Variants in KAZN observed in about 807,000 individuals in gnomAD.
KAZN encodes the protein kazrin.
In KAZN, 40 loss-of-function variants were observed where a neutral mutation model predicts 87.4. That is an observed-to-expected ratio of 0.46 (90% CI 0.36 to 0.60). KAZN has a LOEUF of 0.60. KAZN is among the 20% of genes least tolerant of loss of function. KAZN has a pLI of 0.00. For missense variants in KAZN, 898 were observed against 1,073.9 expected, an observed-to-expected ratio of 0.84 and a Z score of 2.29; for synonymous variants, 466 against 458.3, an observed-to-expected ratio of 1.02 and a Z score of -0.22.
intron 1 of KAZN, among the ~76,000 whole-genome samples, chr1:14,639,912 C>T (rs1680293679): frequency 6.6e-6 from 1 of 152,164 alleles, no homozygotes; most frequent in Non-Finnish European, 1.5e-5. Flanking sequence ...GTAATCCCCA[C>T]TTTCCCGTAC....
At chr1:14,221,671 A>G (rs1418622041) in intron 2 of KAZN, among the ~76,000 whole-genome samples, 1 of 152,194 alleles carries the variant, frequency 6.6e-6, no homozygotes, top group Non-Finnish European at 1.5e-5. Context: ...CAACAAGGCT[A>G]TAATCAACCA....
rs530197338 is a variant in KAZN, at chr1:14,208,120, G to A, written c.249+27528G>A. On this transcript the variant is annotated intron_variant, in intron 2 of 16. Coordinates refer to the KAZN transcript ENST00000636203. Reference sequence around the variant, plus strand: ...GACTAAGAGTGTCCATGCTGTTTGGGCTGATTTAACACCAAAGCAAAGGAG... The same window carrying A: ...GACTAAGAGTGTCCATGCTGTTTGGACTGATTTAACACCAAAGCAAAGGAG... Among the ~76,000 whole-genome samples, 10 of 152,234 alleles carry A rather than the reference G, an allele frequency of 6.6e-5. 1 individual carries two copies. In the South Asian group the frequency reaches 2.1e-3, roughly 32 times the overall value.
At position 14,483,917 on chromosome 1, in the gene KAZN, C is replaced by A. The variant is rs928410342; in HGVS notation, c.250-115066C>A. 2.0e-5 allele frequency among the ~76,000 whole-genome samples: 3 copies of A among 152,128 alleles called. No homozygotes were observed. The South Asian group carries it at 6.2e-4, about 32-fold the overall frequency. On this transcript the variant is annotated intron_variant, in intron 2 of 16. Coordinates refer to the KAZN transcript ENST00000636203. ...TCAGGTCTTACATAAAGTCTTTAATCCACTTTAAATTATGTTTTTGTATAT... is the reference window on the plus strand; with the variant it reads ...TCAGGTCTTACATAAAGTCTTTAATACACTTTAAATTATGTTTTTGTATAT...
At chr1:14,234,721 A>G (rs1648237759) in intron 2 of KAZN, among the ~76,000 whole-genome samples, 1 of 152,202 alleles carries the variant, frequency 6.6e-6, no homozygotes, top group Admixed American at 6.5e-5. Context: ...ACCTTCCTGG[A>G]CTAAATTTGT....
At chr1:14,656,619 C>T (rs576493876) in intron 1 of KAZN, among the ~76,000 whole-genome samples, 5 of 152,342 alleles carry the variant, frequency 3.3e-5, no homozygotes, top group African/African-American at 9.6e-5. Context: ...GGGGAAGCCT[C>T]AGGAAACTTA....
intron 1 of KAZN, among the ~76,000 whole-genome samples, chr1:14,635,221 G>A (rs75953486): frequency 0.012 from 1,850 of 152,330 alleles, 18 homozygotes; most frequent in Non-Finnish European, 0.018. Context: ...GGACATCCAC[G>A]CTGCTGTGCC....
intron 2 of KAZN, among the ~76,000 whole-genome samples, chr1:14,342,294 C>T (rs1047796549): frequency 2.0e-5 from 3 of 152,206 alleles, no homozygotes; most frequent in African/African-American, 7.2e-5. Flanking sequence ...CTGCAATGAA[C>T]ATACATGTAC....
At chr1:14,914,827 A>G (rs997750615) in intron 1 of KAZN, among the ~76,000 whole-genome samples, 5 of 132,004 alleles carry the variant, frequency 3.8e-5, no homozygotes, top group Non-Finnish European at 8.5e-5. Flanking sequence ...CTCATTGATA[A>G]AATGAGGATA....
intron 1 of KAZN, among the ~76,000 whole-genome samples, chr1:14,658,562 A>G (rs1341011995): frequency 1.3e-5 from 2 of 152,136 alleles, no homozygotes; most frequent in Non-Finnish European, 2.9e-5. Context: ...TTCTACATCA[A>G]AGTCTTTTGA....
intron 1 of KAZN, among the ~76,000 whole-genome samples, chr1:14,001,307 G>A (rs1425631378): frequency 6.6e-6 from 1 of 152,018 alleles, no homozygotes; most frequent in Non-Finnish European, 1.5e-5. Context: ...GGATATGAAG[G>A]ACTTCTTCAA....
intron 2 of KAZN, among the ~76,000 whole-genome samples, chr1:14,576,476 GATGGATGGATGCACTGATGGATGC>G (rs1436788889): frequency 6.6e-6 from 1 of 152,196 alleles, no homozygotes; most frequent in Non-Finnish European, 1.5e-5. Flanking sequence ...TGGATGGATG[GATGGATGGATGCACTGATGGATGC>G]ATGGACAAAT....
chr1:14,009,932 G>A (rs1570516738), intron 1 of KAZN, among the ~76,000 whole-genome samples: 1 of 152,060 alleles, frequency 6.6e-6, no homozygotes. Flanking sequence ...GGGAAACCGG[G>A]TGGTTTCCTT....
chr1:14,179,874 A>G (rs476563), intron 1 of KAZN, among the ~76,000 whole-genome samples: 150,548 of 152,306 alleles, frequency 0.99, 74,417 homozygotes, highest in Middle Eastern at 1. Context: ...TCTATAACAC[A>G]TCAGATGGTA....
At chr1:15,057,070 A>C (rs1268511731) in intron 5 of KAZN, among the ~76,000 whole-genome samples, 2 of 152,258 alleles carry the variant, frequency 1.3e-5, no homozygotes, top group African/African-American at 2.4e-5. Flanking sequence ...TGAGTCAGAC[A>C]CAGCCCTGAC....
intron 2 of KAZN, chr1:14,351,046 C>T (rs888283370): frequency 6.6e-6 from 1 of 152,184 alleles, no homozygotes; most frequent in Admixed American, 6.5e-5. Context: ...GAGAAGAGCA[C>T]AAGCCAATCA....
intron 1 of KAZN, among the ~76,000 whole-genome samples, chr1:14,646,603 G>C (rs1680828528): frequency 6.6e-6 from 1 of 152,070 alleles, no homozygotes; most frequent in Admixed American, 6.5e-5. Context: ...TTGTGGGGCT[G>C]TCCTATGCCT....
chr1:14,747,662 A>T, intron 1 of KAZN, among the ~76,000 whole-genome samples: 1 of 152,380 alleles, frequency 6.6e-6, no homozygotes, highest in East Asian at 1.9e-4. Flanking sequence ...TAATGCTGTT[A>T]TGAACATTAA....
intron 2 of KAZN, among the ~76,000 whole-genome samples, chr1:14,459,267 G>T (rs1345122113): frequency 6.6e-6 from 1 of 152,056 alleles, no homozygotes; most frequent in East Asian, 1.9e-4. Flanking sequence ...GCGCGTGTGT[G>T]TGTGTGTGTG....
intron 2 of KAZN, among the ~76,000 whole-genome samples, chr1:14,204,175 C>A (rs1475210243): frequency 1.3e-5 from 2 of 152,222 alleles, no homozygotes; most frequent in African/African-American, 2.4e-5. Context: ...TATTTGCATG[C>A]TTCCTGAAAC....
Sources: allele counts gnomAD v4.1 joint callset (sites outside exome capture counted in the v4.1 genomes callset), GRCh38; gene constraint gnomAD v4.1.1; transcripts MANE v1.5; gene names NCBI Gene and HGNC (gene_info 2026-07-23, HGNC 2026-07-21).